The following TTN variants were observed in gnomAD, a reference collection of about 807,000 sequenced individuals.
TTN encodes the protein connectin.
TTN carries 1,525 observed loss-of-function variants against 3,223.0 expected under a neutral mutation model. The observed-to-expected ratio is 0.47, with a 90% confidence interval of 0.45 to 0.49. TTN has a LOEUF of 0.49. TTN is among the 20% of genes least tolerant of loss of function. The probability of loss-of-function intolerance (pLI) is 0.00; values close to 1 mark genes in which losing one functional copy is unlikely to be tolerated. For missense variants in TTN, 40,786 were observed against 43,424.0 expected (o/e 0.94, Z 5.40); for synonymous variants, 14,094 against 15,161.0 (o/e 0.93, Z 5.17).
At position 178,544,515 on chromosome 2, in the gene TTN, T is replaced by C. The variant is rs773693045; in HGVS notation, c.95723-9A>G. The C allele has an allele frequency of 6.3e-7, 1 of 1,580,866 alleles. No homozygotes were observed. Among genetic ancestry groups the C allele is most frequent in the East Asian group, 2.3e-5 (1 of 44,316 alleles). On this transcript the variant is annotated splice_polypyrimidine_tract_variant and intron_variant, in intron 344 of 362. Coordinates refer to ENST00000589042, the MANE Select transcript of TTN (RefSeq NM_001267550.2). ...AGGTGGTCCAGGGGTATCTGTGGAA[T>C]TTAAAAAGTGAGATGCAGATATTAG...
rs199507913 is a variant in TTN, at chr2:178,785,860, G to C, written c.2358C>G (p.His786Gln). 95 of 1,614,128 alleles carry C rather than the reference G, an allele frequency of 5.9e-5. No homozygotes were observed. The highest frequency in any genetic ancestry group is 3.3e-4 in the Middle Eastern group (2 of 6,062). The change falls in exon 14 of 363, where the codon CAC (histidine) becomes CAG (glutamine). Residue 786 changes from histidine (H) to glutamine (Q), a missense_variant. His to Gln is a conservative substitution (Grantham distance 24). Transcript: ENST00000589042. ...HIKTTDQKGM[H>Q]ISSQIKKTTD... The stretch of plus-strand genomic sequence containing the variant: ...GGTATAGACTCACCTGTGATGATAT[G>C]TGCATTCCCTTTTGATCAGTAGTTT...
chr2:178,634,775 T>G lies in TTN; in HGVS notation c.42099A>C (p.Glu14033Asp), dbSNP rs759297459. Residue 14033 changes from glutamate (E) to aspartate (D), a missense_variant, in exon 229 of 363, where the codon GAA becomes GAC. Transcript: ENST00000589042. The surrounding 1 kb of genome is among the most constrained non-coding windows in gnomAD (Gnocchi z 4.6). ...TTGCATTAAGGGCCTGGTAGAGGACTTCACCAGCTTGGTCCAGTTTGACTT... is the reference window on the plus strand; with the variant it reads ...TTGCATTAAGGGCCTGGTAGAGGACGTCACCAGCTTGGTCCAGTTTGACTT... ...LHKVKLDQAG[E>D]VLYQALNAIT... 1 of 1,613,256 alleles carries G rather than the reference T, an allele frequency of 6.2e-7. No individual in the cohort carries two copies. The highest frequency in any genetic ancestry group is 2.2e-5 in the East Asian group (1 of 44,804).
At position 178,793,496 on chromosome 2, in the gene TTN, C is replaced by A. The variant is rs774978256; in HGVS notation, c.1444G>T (p.Ala482Ser). ...TCTTGTTCCTTGGCTTTATCGGCGGCCACTACTACCTTAGTTACAGCAGTC... is the reference window on the plus strand; with the variant it reads ...TCTTGTTCCTTGGCTTTATCGGCGGACACTACTACCTTAGTTACAGCAGTC... ...EKTAVTKVVV[A>S]ADKAKEQELK... is the part of the protein sequence containing the mutation. Residue 482 changes from alanine (A) to serine (S), a missense_variant, in exon 9 of 363, where the codon GCC becomes TCC. Physicochemically the swap from Ala to Ser is moderately conservative, Grantham distance 99. Transcript: ENST00000589042. The A allele has an allele frequency of 6.2e-7, 1 of 1,614,074 alleles. No individual in the cohort carries two copies. The highest frequency in any genetic ancestry group is 1.1e-5 in the South Asian group (1 of 91,076).
chr2:178,636,777 T>A lies in TTN; in HGVS notation c.40950A>T (p.Ser13650=). Residue 13650 remains serine (S), a synonymous_variant, in exon 225 of 363, where the codon TCA becomes TCT. Transcript: ENST00000589042. This position sits in a 1 kb window ranked among gnomAD's most constrained non-coding sequence, Gnocchi z 4.3. The part of the protein sequence containing the change: ...PIKGVPKKTP[S]PIEAERRKLR... ...ACTTTCTCCTTTCGGCTTCTATTGGTGAAGGAGTCTTTTTGGGTACACCTA... is the reference window on the plus strand; with the variant it reads ...ACTTTCTCCTTTCGGCTTCTATTGGAGAAGGAGTCTTTTTGGGTACACCTA... 6.2e-7 allele frequency: 1 copy of A among 1,600,150 alleles called. No homozygotes were observed. Among genetic ancestry groups the A allele is most frequent in the East Asian group, 2.2e-5 (1 of 44,536 alleles).
chr2:178,573,566 T>C lies in TTN; in HGVS notation c.72566A>G (p.Lys24189Arg). ...GACACGGAATATGTATTCATTGCCT[T>C]TCAAGAGTTTAGTGACCTTTAGCTT... ...VTKLKVTKLL[K>R]GNEYIFRVMA... Residue 24189 changes from lysine to arginine, a missense_variant, in exon 326 of 363, where the codon AAA becomes AGA. Coordinates refer to ENST00000589042, the MANE Select transcript of TTN (RefSeq NM_001267550.2). 6.7e-7 allele frequency: 1 copy of C among 1,497,724 alleles called. No homozygotes were observed. The highest frequency in any genetic ancestry group is 1.5e-5 in the South Asian group (1 of 68,420). The allele number at this position is 1,497,724 out of a possible 1,614,324, so 92.8% of individuals were successfully genotyped here.
chr2:178,722,631 AT>A, intron 76 of TTN, 27 bp downstream of exon 76: 1 of 1,592,782 alleles, frequency 6.3e-7, no homozygotes, highest in Non-Finnish European at 8.5e-7. Flanking sequence ...GGAAAAAAGA[AT>A]TTTTTTAATT....
intron 259 of TTN, 55 bp from the exon 260 acceptor site, chr2:178,615,023 T>C: frequency 6.9e-7 from 1 of 1,451,866 alleles, no homozygotes; most frequent in South Asian, 1.3e-5. Flanking sequence ...CGTTTCATTG[T>C]GTAGTACTCA....
In TTN at chr2:178,565,841, C is replaced by G; in HGVS notation, c.80291G>C (p.Gly26764Ala). The change falls in exon 326 of 363, where the codon GGA becomes GCA. Residue 26764 changes from glycine (G) to alanine (A), a missense_variant. Gly to Ala is a moderately conservative substitution (Grantham distance 60). Coordinates refer to ENST00000589042, the MANE Select transcript of TTN (RefSeq NM_001267550.2). ...YFRVMAENEFGVGVPVETVDA... is the reference protein window; with the variant it reads ...YFRVMAENEFAVGVPVETVDA... ...AACAGTTTCCACTGGAACACCAACT[C>G]CAAATTCATTTTCAGCCATGACTCT... 1 of 1,613,654 alleles carries G rather than the reference C, an allele frequency of 6.2e-7. No individual in the cohort carries two copies. The highest frequency in any genetic ancestry group is 1.1e-5 in the South Asian group (1 of 91,082).
intron 17 of TTN, among the ~76,000 whole-genome samples, chr2:178,783,326 C>A (rs2092935697): frequency 6.6e-6 from 1 of 152,114 alleles, no homozygotes; most frequent in African/African-American, 2.4e-5. Context: ...TGAATCTATG[C>A]CTCCCATGGA....
Position 178,565,596 on chromosome 2 carries a change from C to T in TTN, c.80536G>A (p.Gly26846Arg), listed in dbSNP as rs767520023. The T allele has an allele frequency of 1.2e-5, 19 of 1,613,456 alleles. No homozygotes were observed. Among genetic ancestry groups the T allele is most frequent in the Non-Finnish European group, 1.6e-5 (19 of 1,179,630 alleles). ...TTGACACGGAACTGATATTCTTGTC[C>T]AGAACTCAAACCAGTAACAACTGCA... ...CNAVVTGLSS[G>R]QEYQFRVKAY... The change falls in exon 326 of 363, where the codon GGA (glycine) becomes AGA (arginine). Residue 26846 changes from glycine (G) to arginine (R), a missense_variant. Gly to Arg is a moderately radical substitution (Grantham distance 125). Coordinates refer to ENST00000589042, the MANE Select transcript of TTN (RefSeq NM_001267550.2).
Position 178,704,902 on chromosome 2 carries a change from A to G in TTN, c.29669T>C (p.Ile9890Thr). ...CTCTGTCTGTGACAGTCTTTGCTGA[A>G]TAAATGATACAAGTTCCTCAAATTC... The part of the protein sequence containing the change: ...EKEFEELVSF[I>T]QQRLSQTEPV... The change falls in exon 104 of 363, where the codon ATT (isoleucine) becomes ACT (threonine). Residue 9890 changes from isoleucine to threonine, a missense_variant. Physicochemically the swap from Ile to Thr is moderately conservative, Grantham distance 89 (BLOSUM62 -1). Coordinates refer to ENST00000589042, the MANE Select transcript of TTN (RefSeq NM_001267550.2). 1 of 1,613,578 alleles carries G rather than the reference A, an allele frequency of 6.2e-7. No individual in the cohort carries two copies. The highest frequency in any genetic ancestry group is 1.1e-5 in the South Asian group (1 of 91,058).
Position 178,599,710 on chromosome 2 carries a change from G to T in TTN, c.56191C>A (p.Pro18731Thr), listed in dbSNP as rs751457168. ...APPKKPDNKE[P>T]VLYDTHVNKL... ...TTGACATGGGTGTCATAGAGAACAGGTTCTTTGTTATCAGGCTTCTTTGGA... is the reference window on the plus strand; with the variant it reads ...TTGACATGGGTGTCATAGAGAACAGTTTCTTTGTTATCAGGCTTCTTTGGA... Residue 18731 changes from proline to threonine, a missense_variant, in exon 289 of 363, where the codon CCT becomes ACT. By Grantham distance (38) the Pro-to-Thr change is conservative. Coordinates refer to ENST00000589042, the MANE Select transcript of TTN (RefSeq NM_001267550.2). The T allele has an allele frequency of 3.7e-6, 6 of 1,613,000 alleles. No homozygotes were observed. The Admixed American group carries it at 8.3e-5, about 22-fold the overall frequency.
rs1217644142 is a variant in TTN at position 178,546,281 on chromosome 2, C to T, written c.95050G>A (p.Gly31684Arg). ...TTTTTCACTGTTAAAGTGTATTTTCCACTGTCACTTCTGTCACAGAACTTG... is the reference window on the plus strand; with the variant it reads ...TTTTTCACTGTTAAAGTGTATTTTCTACTGTCACTTCTGTCACAGAACTTG... ...VIKFCDRSDS[G>R]KYTLTVKNAS... Residue 31684 changes from glycine to arginine, a missense_variant, in exon 342 of 363, where the codon GGA becomes AGA. Transcript: ENST00000589042. 6.2e-7 allele frequency: 1 copy of T among 1,613,694 alleles called. No homozygotes were observed. The highest frequency in any genetic ancestry group is 1.3e-5 in the African/African-American group (1 of 74,924).
chr2:178,552,719 C>T lies in TTN; in HGVS notation c.90181G>A (p.Val30061Ile), dbSNP rs138958733. 2.7e-5 allele frequency: 43 copies of T among 1,613,914 alleles called. No homozygotes were observed. In the African/African-American group the frequency reaches 3.3e-4, roughly 13 times the overall value. The change falls in exon 335 of 363, where the codon GTC (valine) becomes ATC (isoleucine). Residue 30061 changes from valine to isoleucine, a missense_variant. Physicochemically the swap from Val to Ile is conservative, Grantham distance 29. Coordinates refer to ENST00000589042, the MANE Select transcript of TTN (RefSeq NM_001267550.2). ...WTKPDFDGGS[V>I]ITEYVVERKG... ...CTTTCTACAACATATTCTGTGATGA[C>T]GCTACCACCATCAAAGTCAGGTTTG...
At chr2:178,685,451 C>T in intron 128 of TTN, 67 bp downstream of exon 128, 1 of 1,516,538 alleles carries the variant, frequency 6.6e-7, no homozygotes, top group Non-Finnish European at 9.0e-7. Context: ...GACAAATTAG[C>T]TATAAGGAAA....
intron 259 of TTN, 68 bp from the exon 260 acceptor site, chr2:178,615,036 A>G (rs2057066962): frequency 7.2e-7 from 1 of 1,383,460 alleles, no homozygotes; most frequent in Non-Finnish European, 9.9e-7. Flanking sequence ...AGTACTCATA[A>G]TCTTTCAAAA....
In TTN at chr2:178,756,241, T is replaced by G; in HGVS notation, c.11235A>C (p.Ala3745=). Residue 3745 remains alanine (A), a synonymous_variant, in exon 46 of 363, where the codon GCA becomes GCC. Coordinates refer to ENST00000589042, the MANE Select transcript of TTN (RefSeq NM_001267550.2). ...HNDCGERTTS[A]VLSVEGAPES... is the part of the protein sequence containing the mutation. ...ATTAACCACCTTCTACACTTAGTAC[T>G]GCTGACGTTGTCCTCTCTCCACAGT... 6.2e-7 allele frequency: 1 copy of G among 1,611,416 alleles called. No individual in the cohort carries two copies. Among genetic ancestry groups the G allele is most frequent in the Non-Finnish European group, 8.5e-7 (1 of 1,177,954 alleles).
In TTN at chr2:178,541,801, C is replaced by A. The variant is rs545572515; in HGVS notation, c.97493-217G>T. The A allele has an allele frequency of 3.3e-4, 87 of 259,876 alleles. No individual in the cohort carries two copies. The South Asian group carries it at 0.014, about 41-fold the overall frequency. 16.1% of individuals were successfully genotyped at this position (259,876 alleles called of 1,614,324 possible). A position where few individuals can be genotyped will look rare whatever the true frequency, so the allele number is the denominator to read the frequency against. ...TTTATTAAAAATTTTTGACTTTTAG[C>A]TTCAGGGGTACATGTGCAGTTTGTT... On this transcript the variant is annotated intron_variant, in intron 349 of 362. Transcript: ENST00000589042.
At chr2:178,542,144 C>T (rs1277889986) in intron 349 of TTN, 120 bp downstream of exon 349, 2 of 1,077,126 alleles carry the variant, frequency 1.9e-6, no homozygotes, top group Admixed American at 2.8e-5. Context: ...CTTAGAAAGA[C>T]CACAGGGTTA....
Sources: allele counts gnomAD v4.1 joint callset (sites outside exome capture counted in the v4.1 genomes callset), GRCh38; gene constraint gnomAD v4.1.1; non-coding constraint Gnocchi (gnomAD v3.1); transcripts MANE v1.5; gene names NCBI Gene and HGNC (gene_info 2026-07-23, HGNC 2026-07-21).